Variants in ATP8A2 observed in about 807,000 individuals in gnomAD.
ATP8A2 encodes phospholipid-transporting ATPase IB.
In ATP8A2, 100 loss-of-function variants were observed where a neutral mutation model predicts 165.6. The ratio of observed to expected loss-of-function variants is 0.60; its 90% confidence interval spans 0.51 to 0.71. ATP8A2 has a LOEUF of 0.71. ATP8A2 is among the 30% of genes least tolerant of loss of function. ATP8A2 has a pLI of 0.00. For synonymous variants in ATP8A2, 543 were observed against 548.8 expected (o/e 0.99, Z 0.15); for missense variants, 1,227 against 1,479.5 (o/e 0.83, Z 2.80).
At chr13:25,808,132 A>G (rs1160477681) in intron 27 of ATP8A2, among the ~76,000 whole-genome samples, 1 of 141,820 alleles carries the variant, frequency 7.1e-6, no homozygotes, top group Non-Finnish European at 1.5e-5. Context: ...GCTCCCCAAG[A>G]CTTTTTTTTT....
chr13:25,796,528 A>G (rs1272846934), intron 27 of ATP8A2, among the ~76,000 whole-genome samples: 3 of 152,206 alleles, frequency 2.0e-5, no homozygotes, highest in Non-Finnish European at 2.9e-5. Context: ...GGTTCCCCAG[A>G]TGCTGAAATT....
chr13:25,554,529 A>ATGTGTG (rs71077486), intron 12 of ATP8A2, among the ~76,000 whole-genome samples: 17 of 140,454 alleles, frequency 1.2e-4, no homozygotes, highest in East Asian at 4.6e-4. Context: ...GTGTGTGTGT[A>ATGTGTG]TGTGTGTGTG....
At chr13:25,736,889 A>G (rs2043783064) in intron 25 of ATP8A2, among the ~76,000 whole-genome samples, 1 of 152,186 alleles carries the variant, frequency 6.6e-6, no homozygotes, top group South Asian at 2.1e-4. Context: ...GAGTACAACA[A>G]ACCAGCAAAG....
intron 1 of ATP8A2, among the ~76,000 whole-genome samples, chr13:25,445,045 G>A (rs73473711): frequency 0.085 from 12,875 of 152,064 alleles, 691 homozygotes; most frequent in South Asian, 0.18. Context: ...TTTTACATGC[G>A]TTCTTTATTT....
chr13:25,937,279 A>AAT (rs1477986761), intron 33 of ATP8A2, among the ~76,000 whole-genome samples: 2 of 151,274 alleles, frequency 1.3e-5, no homozygotes, highest in Non-Finnish European at 2.9e-5. Flanking sequence ...TGTGAACCAA[A>AAT]ATCTCAAGTG....
intron 2 of ATP8A2, among the ~76,000 whole-genome samples, chr13:25,527,862 T>A (rs2037891340): frequency 6.6e-6 from 1 of 152,200 alleles, no homozygotes; most frequent in African/African-American, 2.4e-5. Flanking sequence ...TGCATGTGTA[T>A]CTGGTTTATA....
Position 25,716,847 on chromosome 13 carries a change from CA to C in ATP8A2, c.2384+17505del, listed in dbSNP as rs565871358. ...CCTAACAGGAAAGAGGAAAAAGAAG[CA>C]AATGCAGTGATGACAAGTTGTGAGA... On this transcript the variant is annotated intron_variant, in intron 25 of 36. Coordinates refer to ENST00000381655, the MANE Select transcript of ATP8A2 (RefSeq NM_016529.6). 5.3e-5 allele frequency among the ~76,000 whole-genome samples: 8 copies of C among 152,246 alleles called. No individual in the cohort carries two copies. The East Asian group carries it at 1.2e-3, about 22-fold the overall frequency.
chr13:25,741,351 T>C (rs1238235267), intron 25 of ATP8A2, among the ~76,000 whole-genome samples: 1 of 152,152 alleles, frequency 6.6e-6, no homozygotes, highest in Non-Finnish European at 1.5e-5. Flanking sequence ...CTAAAATAGC[T>C]GAAACATACA....
chr13:25,528,202 A>G (rs78176861), intron 2 of ATP8A2, among the ~76,000 whole-genome samples: 325 of 152,316 alleles, frequency 2.1e-3, no homozygotes, highest in South Asian at 0.012. Flanking sequence ...CACTTAAACA[A>G]GGAGGAGATC....
At chr13:25,671,941 C>T (rs148172217) in intron 24 of ATP8A2, among the ~76,000 whole-genome samples, 53 of 152,300 alleles carry the variant, frequency 3.5e-4, no homozygotes, top group Middle Eastern at 3.4e-3. Context: ...GACCTACCGA[C>T]GTGTGATGTC....
chr13:25,498,010 C>T (rs527967158), intron 2 of ATP8A2, among the ~76,000 whole-genome samples: 2 of 152,094 alleles, frequency 1.3e-5, no homozygotes, highest in African/African-American at 4.8e-5. Flanking sequence ...TTGTCTAGTA[C>T]TTGTTCATTA....
chr13:25,795,729 A>G lies in ATP8A2; in HGVS notation c.2679+20770A>G, dbSNP rs569045194. Among the ~76,000 whole-genome samples the G allele has an allele frequency of 1.5e-3, 235 of 152,350 alleles. 2 individuals carry two copies. The highest frequency in any genetic ancestry group is 5.4e-3 in the African/African-American group (226 of 41,590). On this transcript the variant is annotated intron_variant, in intron 27 of 36. Transcript: ENST00000381655. ...TACTAGAATAGCGCTATTGATAAGT[A>G]GTAAAGAAATTTATCTCAAATCTCC...
intron 22 of ATP8A2, 119 bp downstream of exon 22, chr13:25,580,066 T>C (rs2039732355): frequency 8.5e-7 from 1 of 1,180,726 alleles, no homozygotes; most frequent in Non-Finnish European, 1.2e-6. Flanking sequence ...TGTGTCTTAA[T>C]GAACCGTTAG....
chr13:25,644,349 T>C (rs1312040483), intron 24 of ATP8A2, among the ~76,000 whole-genome samples: 2 of 152,188 alleles, frequency 1.3e-5, no homozygotes, highest in South Asian at 2.1e-4. Context: ...ATTCTGTTAA[T>C]ATAGTGTATC....
chr13:25,656,079 C>T (rs2041920638), intron 24 of ATP8A2, among the ~76,000 whole-genome samples: 1 of 152,164 alleles, frequency 6.6e-6, no homozygotes, highest in African/African-American at 2.4e-5. Flanking sequence ...CCTGTGTAAC[C>T]TTGGACCCAT....
chr13:25,647,189 C>T (rs1368392053), intron 24 of ATP8A2, among the ~76,000 whole-genome samples: 1 of 152,192 alleles, frequency 6.6e-6, no homozygotes, highest in Non-Finnish European at 1.5e-5. Context: ...GAATATAGCT[C>T]TGTATTACTT....
intron 36 of ATP8A2, among the ~76,000 whole-genome samples, chr13:26,019,455 G>A (rs1328091844): frequency 6.6e-6 from 1 of 152,206 alleles, no homozygotes; most frequent in Non-Finnish European, 1.5e-5. Context: ...TGCACTATTA[G>A]TGTTGTGTGT....
chr13:25,671,954 C>T (rs1189834428), intron 24 of ATP8A2, among the ~76,000 whole-genome samples: 1 of 152,170 alleles, frequency 6.6e-6, no homozygotes, highest in Non-Finnish European at 1.5e-5. Context: ...GTGATGTCTC[C>T]CCCGGATGCC....
In ATP8A2 at chr13:25,953,181, G is replaced by A. The variant is rs577049252; in HGVS notation, c.3184-8394G>A. 3.4e-4 allele frequency among the ~76,000 whole-genome samples: 51 copies of A among 152,186 alleles called. No individual in the cohort carries two copies. The South Asian group carries it at 5.8e-3, about 17-fold the overall frequency. On this transcript the variant is annotated intron_variant, in intron 33 of 36. Transcript: ENST00000381655. This position sits in a 1 kb window ranked among gnomAD's most constrained non-coding sequence, Gnocchi z 6.7. ...ATTGTCCCCTCCTGTGTTTCTTTTC[G>A]TCTTTTAACTTTACAAGTGCTCCTC...
Sources: allele counts gnomAD v4.1 joint callset (sites outside exome capture counted in the v4.1 genomes callset), GRCh38; gene constraint gnomAD v4.1.1; non-coding constraint Gnocchi (gnomAD v3.1); transcripts MANE v1.5; gene names NCBI Gene and HGNC (gene_info 2026-07-23, HGNC 2026-07-21).